The following EEFSEC variants were observed in gnomAD, a reference collection of about 807,000 sequenced individuals.
EEFSEC encodes selenocysteine-specific elongation factor.
A neutral mutation model predicts 42.1 loss-of-function variants in EEFSEC; 43 were observed. The observed-to-expected ratio is 1.02, with a 90% CI of 0.80 to 1.32. The LOEUF is 1.32. Ranked by LOEUF, EEFSEC falls within the 40% of genes most tolerant of loss-of-function variation. The pLI is 0.00. For synonymous variants in EEFSEC, 354 were observed against 339.1 expected (o/e 1.04, Z -0.48); for missense variants, 745 against 803.6 (o/e 0.93, Z 0.88).
intron 4 of EEFSEC, among the ~76,000 whole-genome samples, chr3:128,294,205 C>T (rs2066678164): frequency 6.6e-6 from 1 of 152,206 alleles, no homozygotes; most frequent in Non-Finnish European, 1.5e-5. Context: ...CTGGTGAGGC[C>T]CAGATATCCC....
chr3:128,157,028 G>A (rs1944392631), intron 1 of EEFSEC, among the ~76,000 whole-genome samples: 1 of 152,214 alleles, frequency 6.6e-6, no homozygotes, highest in African/African-American at 2.4e-5. Context: ...CAAAGGAAAA[G>A]TTCCTGAAGG....
At chr3:128,324,723 C>T (rs2067045688) in intron 4 of EEFSEC, among the ~76,000 whole-genome samples, 4 of 152,196 alleles carry the variant, frequency 2.6e-5, no homozygotes, top group African/African-American at 9.7e-5. Flanking sequence ...CATGGTCTGG[C>T]TGTACCAGGC....
intron 1 of EEFSEC, among the ~76,000 whole-genome samples, chr3:128,246,054 G>C (rs2107896931): frequency 6.6e-6 from 1 of 152,258 alleles, no homozygotes; most frequent in East Asian, 1.9e-4. Context: ...CACGCTTCTT[G>C]TTGAAATGAC....
At chr3:128,161,203 A>G (rs2065182716) in intron 1 of EEFSEC, among the ~76,000 whole-genome samples, 1 of 152,158 alleles carries the variant, frequency 6.6e-6, no homozygotes, top group African/African-American at 2.4e-5. Context: ...TTTTTCTTGA[A>G]TCCATTTTAG....
intron 6 of EEFSEC, chr3:128,362,153 C>A (rs2067533640): frequency 2.0e-6 from 1 of 488,998 alleles, no homozygotes; most frequent in Non-Finnish European, 4.3e-6. Flanking sequence ...CAAAGCTCAT[C>A]TTGGCAAGCC....
chr3:128,172,140 A>T (rs771277958), intron 1 of EEFSEC, among the ~76,000 whole-genome samples: 5 of 152,350 alleles, frequency 3.3e-5, no homozygotes, highest in Admixed American at 1.3e-4. Flanking sequence ...ATTCCAGCCT[A>T]TGCAAGAATT....
chr3:128,232,016 A>C (rs927972283), intron 1 of EEFSEC, among the ~76,000 whole-genome samples: 1 of 152,058 alleles, frequency 6.6e-6, no homozygotes, highest in Non-Finnish European at 1.5e-5. Context: ...GTTTTGTCCA[A>C]AAATTCTTGT....
chr3:128,264,259 T>C (rs2066328343), intron 3 of EEFSEC, among the ~76,000 whole-genome samples: 1 of 152,132 alleles, frequency 6.6e-6, no homozygotes, highest in Non-Finnish European at 1.5e-5. Context: ...GGGAAATGCA[T>C]GAGGCCAGGG....
intron 4 of EEFSEC, among the ~76,000 whole-genome samples, chr3:128,299,582 A>T (rs1411097046): frequency 1.3e-5 from 2 of 152,134 alleles, no homozygotes; most frequent in African/African-American, 4.8e-5. Context: ...TGCTCTGTGA[A>T]GACAAAAATA....
intron 1 of EEFSEC, among the ~76,000 whole-genome samples, chr3:128,176,980 G>GGAT (rs1197254151): frequency 2.3e-5 from 3 of 128,354 alleles, no homozygotes; most frequent in South Asian, 2.6e-4. Flanking sequence ...TGAACATACT[G>GGAT]GATTATTATT....
chr3:128,265,644 C>T (rs2066345777), intron 4 of EEFSEC, among the ~76,000 whole-genome samples: 1 of 152,074 alleles, frequency 6.6e-6, no homozygotes, highest in South Asian at 2.1e-4. Context: ...GGTGCTCAGC[C>T]CTGTGGACTC....
chr3:128,414,223 C>G, the EEFSEC span, among the ~76,000 whole-genome samples: 1 of 152,192 alleles, frequency 6.6e-6, no homozygotes, highest in Non-Finnish European at 1.5e-5. Flanking sequence ...GCTGGAGGGT[C>G]TGTGGGGTGT....
chr3:128,327,298 C>T (rs543379839), intron 4 of EEFSEC, among the ~76,000 whole-genome samples: 3 of 150,186 alleles, frequency 2.0e-5, no homozygotes, highest in Non-Finnish European at 1.5e-5. Flanking sequence ...CCATCCCCCC[C>T]CCCCCAAGGT....
chr3:128,310,080 G>A (rs2066874010), intron 4 of EEFSEC, among the ~76,000 whole-genome samples: 3 of 152,176 alleles, frequency 2.0e-5, no homozygotes, highest in Non-Finnish European at 2.9e-5. Flanking sequence ...AGGCAGGTGC[G>A]GTATCTGTGC....
At chr3:128,353,444 G>A (rs1161282957) in intron 5 of EEFSEC, among the ~76,000 whole-genome samples, 1 of 152,044 alleles carries the variant, frequency 6.6e-6, no homozygotes, top group Non-Finnish European at 1.5e-5. Flanking sequence ...GCCAGGATCT[G>A]CCCTCTTTCC....
chr3:128,213,340 G>A (rs1011703844), intron 1 of EEFSEC, among the ~76,000 whole-genome samples: 1 of 152,224 alleles, frequency 6.6e-6, no homozygotes, highest in African/African-American at 2.4e-5. Context: ...GCATGTCCTT[G>A]GCATGTAGTT....
chr3:128,366,540 A>G (rs977335344), intron 6 of EEFSEC, among the ~76,000 whole-genome samples: 57 of 152,318 alleles, frequency 3.7e-4, no homozygotes, highest in African/African-American at 1.3e-3. Flanking sequence ...GAGGAGGAGG[A>G]GGAGGAGCAG....
At chr3:128,288,115 T>C (rs1345697857) in intron 4 of EEFSEC, among the ~76,000 whole-genome samples, 1 of 152,232 alleles carries the variant, frequency 6.6e-6, no homozygotes. Flanking sequence ...CTGCTGCATC[T>C]AGTCTCTTGC....
At position 128,212,168 on chromosome 3, in the gene EEFSEC, C is replaced by A. The variant is rs59985716; in HGVS notation, c.317-34668C>A. On this transcript the variant is annotated intron_variant, in intron 1 of 6. Coordinates refer to ENST00000254730, the MANE Select transcript of EEFSEC (RefSeq NM_021937.5). ...GAGCCACTGCGCCCAGCCAGAAATA[C>A]ATACACTTCTTAACACTCACAGAAT... 7.6e-4 allele frequency among the ~76,000 whole-genome samples: 115 copies of A among 152,310 alleles called. 1 individual carries two copies. Among genetic ancestry groups the A allele is most frequent in the African/African-American group, 2.7e-3 (112 of 41,566 alleles).
Sources: allele counts gnomAD v4.1 joint callset (sites outside exome capture counted in the v4.1 genomes callset), GRCh38; gene constraint gnomAD v4.1.1; transcripts MANE v1.5; gene names NCBI Gene and HGNC (gene_info 2026-07-23, HGNC 2026-07-21).